Variants in DCC observed in about 807,000 individuals in gnomAD.
The protein encoded by DCC is DCC netrin 1 receptor, also known as netrin receptor DCC.
A neutral mutation model predicts 172.5 loss-of-function variants in DCC; 58 were observed. The ratio of observed to expected loss-of-function variants is 0.34; its 90% CI spans 0.27 to 0.42. The LOEUF is 0.42. Among genes scored for constraint, DCC ranks in the 10% least tolerant of loss-of-function variants. The pLI, the probability that DCC is intolerant of heterozygous loss-of-function variation, is 1.00. For synonymous variants in DCC, 709 were observed against 644.5 expected (o/e 1.10, Z -1.52); for missense variants, 1,740 against 1,791.0 (o/e 0.97, Z 0.51).
intron 25 of DCC, among the ~76,000 whole-genome samples, chr18:53,476,909 A>G (rs566004087): frequency 6.6e-6 from 1 of 152,376 alleles, no homozygotes; most frequent in Admixed American, 6.5e-5. Context: ...TTTTTAAATA[A>G]CTTGGTCACA....
At chr18:52,686,713 C>A (rs1415609206) in intron 1 of DCC, among the ~76,000 whole-genome samples, 3 of 152,106 alleles carry the variant, frequency 2.0e-5, no homozygotes, top group Non-Finnish European at 2.9e-5. Context: ...AGCTCCTTTG[C>A]ATATCACCCT....
At chr18:52,869,833 A>AG (rs2039288959) in intron 2 of DCC, among the ~76,000 whole-genome samples, 1 of 151,590 alleles carries the variant, frequency 6.6e-6, no homozygotes, top group Admixed American at 6.6e-5. Flanking sequence ...GCCAGGAGCT[A>AG]GGAGAGGCCA....
chr18:53,283,949 A>G (rs9954088), intron 12 of DCC, among the ~76,000 whole-genome samples: 27,943 of 152,196 alleles, frequency 0.18, 4,066 homozygotes, highest in African/African-American at 0.4. Context: ...ACTGTGATAA[A>G]CACTATGATG....
intron 12 of DCC, among the ~76,000 whole-genome samples, chr18:53,226,677 G>T (rs866733457): frequency 1.3e-5 from 2 of 151,424 alleles, no homozygotes; most frequent in Admixed American, 1.3e-4. Context: ...ATCCCTCAAG[G>T]GTTGTTGGCC....
At chr18:52,356,297 A>C (rs1459566055) in intron 1 of DCC, among the ~76,000 whole-genome samples, 2 of 152,202 alleles carry the variant, frequency 1.3e-5, no homozygotes, top group East Asian at 3.9e-4. Context: ...AGGCTCCTGC[A>C]CTACTGGAAT....
intron 5 of DCC, among the ~76,000 whole-genome samples, chr18:52,933,841 G>A (rs185069808): frequency 3.5e-3 from 539 of 151,972 alleles, no homozygotes; most frequent in Middle Eastern, 0.01. Context: ...AGTGTACATC[G>A]CACCTATTAA....
chr18:52,486,556 A>G (rs892064383), intron 1 of DCC, among the ~76,000 whole-genome samples: 1 of 152,160 alleles, frequency 6.6e-6, no homozygotes, highest in Non-Finnish European at 1.5e-5. Flanking sequence ...TTTCTCTTTT[A>G]ATCAACAAAG....
intron 1 of DCC, among the ~76,000 whole-genome samples, chr18:52,707,129 A>G (rs1450603814): frequency 1.3e-5 from 2 of 152,220 alleles, no homozygotes; most frequent in African/African-American, 2.4e-5. Flanking sequence ...CAGGAAAGGA[A>G]TGACAAAAAT....
At chr18:52,790,603 A>G in intron 2 of DCC, among the ~76,000 whole-genome samples, 1 of 152,202 alleles carries the variant, frequency 6.6e-6, no homozygotes, top group Non-Finnish European at 1.5e-5. Context: ...TTTATACCGT[A>G]AAAGAAGGAA....
intron 2 of DCC, 48 bp from the exon 3 acceptor site, chr18:52,905,996 T>C: frequency 8.2e-7 from 1 of 1,225,090 alleles, no homozygotes; most frequent in South Asian, 1.2e-5. Context: ...TGGCGATTAT[T>C]GTGCTTTATT....
chr18:52,783,274 A>C (rs543090911), intron 2 of DCC, among the ~76,000 whole-genome samples: 25 of 146,280 alleles, frequency 1.7e-4, no homozygotes, highest in African/African-American at 5.1e-4. Context: ...CTCCTTGAAT[A>C]CAGTAAGCAT....
intron 15 of DCC, among the ~76,000 whole-genome samples, chr18:53,380,970 A>T (rs1907682753): frequency 6.6e-6 from 1 of 152,162 alleles, no homozygotes; most frequent in African/African-American, 2.4e-5. Flanking sequence ...CAGAGAGTAA[A>T]TTATAAAGCT....
chr18:52,791,937 A>G (rs1364472259), intron 2 of DCC, among the ~76,000 whole-genome samples: 3 of 152,292 alleles, frequency 2.0e-5, no homozygotes, highest in Middle Eastern at 3.4e-3. Flanking sequence ...TAGTATTGAC[A>G]CTAAAATCTG....
chr18:53,100,104 G>C (rs932832055), intron 7 of DCC, among the ~76,000 whole-genome samples: 1 of 151,548 alleles, frequency 6.6e-6, no homozygotes, highest in Non-Finnish European at 1.5e-5. Flanking sequence ...GCACCACCAC[G>C]CCTGGTTAAT....
chr18:52,664,856 G>C (rs2035436270), intron 1 of DCC, among the ~76,000 whole-genome samples: 1 of 152,110 alleles, frequency 6.6e-6, no homozygotes, highest in Non-Finnish European at 1.5e-5. Flanking sequence ...ATTGAACCAA[G>C]GTCATGAAAT....
intron 2 of DCC, among the ~76,000 whole-genome samples, chr18:52,811,495 T>C (rs1382888743): frequency 6.6e-6 from 1 of 152,222 alleles, no homozygotes; most frequent in African/African-American, 2.4e-5. Flanking sequence ...TGGAAAATTA[T>C]ATTGAAGAGG....
chr18:52,609,659 G>A (rs1169016890), intron 1 of DCC, among the ~76,000 whole-genome samples: 2 of 151,726 alleles, frequency 1.3e-5, no homozygotes, highest in East Asian at 1.9e-4. Context: ...CAACTTTGCT[G>A]TAGAATTTTC....
chr18:52,769,906 C>T (rs547515576), intron 2 of DCC, among the ~76,000 whole-genome samples: 1 of 152,292 alleles, frequency 6.6e-6, no homozygotes, highest in East Asian at 1.9e-4. Flanking sequence ...ATTTTCAAAA[C>T]ATTTTTAGTG....
chr18:53,425,034 G>C (rs751740890), intron 21 of DCC, among the ~76,000 whole-genome samples: 3 of 152,010 alleles, frequency 2.0e-5, no homozygotes, highest in Non-Finnish European at 4.4e-5. Flanking sequence ...GGGATAGGGA[G>C]AGAAAAGGAT....
Sources: gnomAD v4.1 joint callset for allele counts (sites outside exome capture counted in the v4.1 genomes callset) on GRCh38, gnomAD v4.1.1 for gene constraint, MANE v1.5 for transcripts, NCBI Gene and HGNC (gene_info 2026-07-23, HGNC 2026-07-21) for gene names.